The following CD1B variants were observed in gnomAD, a reference collection of about 807,000 sequenced individuals.
CD1B encodes CD1b molecule, also known as T-cell surface glycoprotein CD1b.
A neutral mutation model predicts 39.8 loss-of-function variants in CD1B; 43 were observed. The ratio of observed to expected loss-of-function variants is 1.08; its 90% CI spans 0.85 to 1.39. The LOEUF is 1.39. CD1B is among the 40% of genes most tolerant of loss of function. The pLI, the probability that CD1B is intolerant of heterozygous loss-of-function variation, is 0.00. For synonymous variants in CD1B, 192 were observed against 152.5 expected, an observed-to-expected ratio of 1.26 and a Z score of -1.91; for missense variants, 495 against 403.8, an observed-to-expected ratio of 1.23 and a Z score of -1.94.
intron 5 of CD1B, 110 bp downstream of exon 5, chr1:158,328,811 T>C: frequency 1.3e-6 from 1 of 761,330 alleles, no homozygotes. Context: ...AAGGATATGG[T>C]GAAAGGATTG....
In CD1B at chr1:158,329,563, TG is replaced by T. The variant is rs1477617734; in HGVS notation, c.692del (p.Pro231GlnfsTer6). The T allele has an allele frequency of 6.2e-7, 1 of 1,614,010 alleles. No individual in the cohort carries two copies. Among genetic ancestry groups the T allele is most frequent in the East Asian group, 2.2e-5 (1 of 44,826 alleles). On this transcript the variant is annotated frameshift_variant, in exon 4 of 6. Transcript: ENST00000368168. LOFTEE classifies it high-confidence loss of function. ...GCATCCACATCACCCACACGGGCTT[TG>T]GGTAGAATCCTGAGACATGGCACAC... ...QLVCHVSGFY[P>X]KPVWVMWMRG...
chr1:158,314,769 T>C, the CD1B span, among the ~76,000 whole-genome samples: 27 of 151,780 alleles, frequency 1.8e-4, no homozygotes, highest in Non-Finnish European at 3.5e-4. Flanking sequence ...ACTCGTCATC[T>C]AGCATTAGGT....
chr1:158,312,292 G>C, the CD1B span, among the ~76,000 whole-genome samples: 1 of 152,160 alleles, frequency 6.6e-6, no homozygotes, highest in Non-Finnish European at 1.5e-5. Flanking sequence ...CATGAGATAT[G>C]ATAGTTTTAA....
chr1:158,308,819 CA>C, the CD1B span, among the ~76,000 whole-genome samples: 2 of 152,142 alleles, frequency 1.3e-5, no homozygotes, highest in Non-Finnish European at 1.5e-5. Context: ...ACACCTTATA[CA>C]AAAATCAATT....
the CD1B span, among the ~76,000 whole-genome samples, chr1:158,286,511 A>G: frequency 4.6e-5 from 7 of 152,200 alleles, no homozygotes; most frequent in Non-Finnish European, 1.0e-4. Flanking sequence ...GCTGATAGAC[A>G]TTCTAAGGAT....
At chr1:158,302,842 T>C in the CD1B span, among the ~76,000 whole-genome samples, 1 of 152,188 alleles carries the variant, frequency 6.6e-6, no homozygotes, top group African/African-American at 2.4e-5. Context: ...CATGGCTGAA[T>C]TCTAACAGGT....
the CD1B span, among the ~76,000 whole-genome samples, chr1:158,287,828 A>G: frequency 6.6e-6 from 1 of 152,232 alleles, no homozygotes; most frequent in Admixed American, 6.5e-5. Context: ...GTTAAACTGC[A>G]TGTAGATCAG....
At chr1:158,329,820 G>A (rs774391808) in intron 3 of CD1B, 32 bp downstream of exon 3, 30 of 1,595,948 alleles carry the variant, frequency 1.9e-5, no homozygotes, top group Non-Finnish European at 2.6e-5. Flanking sequence ...CTTAGAGGAG[G>A]TGGTGGGAAG....
chr1:158,292,564 C>T, the CD1B span: 1 of 1,602,418 alleles, frequency 6.2e-7, no homozygotes, highest in Non-Finnish European at 8.5e-7. Context: ...GTGTAAGTTT[C>T]TTCATCAGAA....
At chr1:158,309,623 C>G in the CD1B span, among the ~76,000 whole-genome samples, 1 of 152,162 alleles carries the variant, frequency 6.6e-6, no homozygotes, top group East Asian at 1.9e-4. Context: ...AAATGTGGCA[C>G]ATATACACCA....
At chr1:158,323,481 G>A (rs977280812), downstream of CD1B, among the ~76,000 whole-genome samples, 1 of 152,054 alleles carries the variant, frequency 6.6e-6, no homozygotes, top group African/African-American at 2.4e-5. Flanking sequence ...TCACTTTAGG[G>A]TTTGTCACTG....
At chr1:158,329,741 T>C (rs1006581130) in intron 3 of CD1B, 93 bp from the exon 4 acceptor site, 4 of 1,562,886 alleles carry the variant, frequency 2.6e-6, no homozygotes, top group Non-Finnish European at 3.5e-6. Context: ...AGCGACCCCA[T>C]TCACTCCTTT....
At chr1:158,324,941 T>C (rs1652295155), downstream of CD1B, among the ~76,000 whole-genome samples, 1 of 152,122 alleles carries the variant, frequency 6.6e-6, no homozygotes, top group Admixed American at 6.6e-5. Context: ...ACTACTATGA[T>C]AGATACAAGC....
chr1:158,305,379 C>T, the CD1B span, among the ~76,000 whole-genome samples: 15 of 150,920 alleles, frequency 9.9e-5, no homozygotes, highest in South Asian at 6.3e-4. Flanking sequence ...GAAGTTTAGA[C>T]GAAAAAGAAT....
chr1:158,297,960 A>AAT, the CD1B span, among the ~76,000 whole-genome samples: 4 of 151,402 alleles, frequency 2.6e-5, no homozygotes, highest in African/African-American at 9.7e-5. Flanking sequence ...AAAAAAAAAA[A>AAT]AAATAAACAA....
At chr1:158,299,070 A>G in the CD1B span, among the ~76,000 whole-genome samples, 1 of 152,140 alleles carries the variant, frequency 6.6e-6, no homozygotes, top group South Asian at 2.1e-4. Context: ...GAGTGGTGAG[A>G]GAGGGCATCC....
the CD1B span, among the ~76,000 whole-genome samples, chr1:158,321,372 C>G: frequency 1.3e-5 from 2 of 152,034 alleles, no homozygotes. Flanking sequence ...CTTTTTCTAT[C>G]CCTTCACTTT....
chr1:158,320,180 C>T, the CD1B span, among the ~76,000 whole-genome samples: 1 of 152,224 alleles, frequency 6.6e-6, no homozygotes, highest in Non-Finnish European at 1.5e-5. Context: ...CTGTGGTGGG[C>T]TCCACCCAGT....
At chr1:158,319,914 C>A in the CD1B span, among the ~76,000 whole-genome samples, 2 of 151,338 alleles carry the variant, frequency 1.3e-5, no homozygotes, top group African/African-American at 2.4e-5. Flanking sequence ...TGTTGGAGTA[C>A]CCTGCCGTGT....
Sources: gnomAD v4.1 joint callset for allele counts (sites outside exome capture counted in the v4.1 genomes callset) on GRCh38, gnomAD v4.1.1 for gene constraint, MANE v1.5 for transcripts, NCBI Gene and HGNC (gene_info 2026-07-23, HGNC 2026-07-21) for gene names.